The following RUSC2 variants were observed in gnomAD, a reference collection of about 807,000 sequenced individuals.
The protein encoded by RUSC2 is RUN and SH3 domain containing 2.
Under a neutral mutation model 122.2 loss-of-function variants are expected in RUSC2, and 34 were observed. The ratio of observed to expected loss-of-function variants is 0.28; its 90% confidence interval spans 0.21 to 0.37. The LOEUF is 0.37. Among genes scored for constraint, RUSC2 ranks in the 10% least tolerant of loss-of-function variants. The pLI is 1.00. For missense variants in RUSC2, 1,747 were observed against 1,952.4 expected, an observed-to-expected ratio of 0.89 and a Z score of 1.98; for synonymous variants, 784 against 790.0, an observed-to-expected ratio of 0.99 and a Z score of 0.13.
chr9:35,507,293 A>G (rs10814247), intron 1 of RUSC2, among the ~76,000 whole-genome samples: 61,947 of 152,018 alleles, frequency 0.41, 12,715 homozygotes, highest in South Asian at 0.42. Context: ...ATGTTGCCAC[A>G]TAGATTTTAT....
Position 35,546,462 on chromosome 9 carries a change from C to A in RUSC2, c.-60C>A. 8.0e-7 allele frequency: 1 copy of A among 1,243,670 alleles called. No homozygotes were observed. Among genetic ancestry groups the A allele is most frequent in the Non-Finnish European group, 1.0e-6 (1 of 957,196 alleles). 77.0% of individuals were successfully genotyped at this position (1,243,670 alleles called of 1,614,324 possible). A position where few individuals can be genotyped will look rare whatever the true frequency, so the allele number is the denominator to read the frequency against. ...GCTCTCCTGATGAAATGTGTTCTGC[C>A]CCACTGGGCTCCAGGGACAGTGTCT... On this transcript the variant is annotated 5_prime_UTR_variant, in exon 2 of 12. Coordinates refer to ENST00000361226, the MANE Select transcript of RUSC2 (RefSeq NM_014806.5). This position sits in a 1 kb window ranked among gnomAD's most constrained non-coding sequence, Gnocchi z 4.3.
At position 35,559,886 on chromosome 9, in the gene RUSC2, G is replaced by A. The variant is rs905171588; in HGVS notation, c.3389-143G>A. ...GCACTGCACAGCTGTGGGCAGCAGC[G>A]TTTATACTTAGTACATGCAAGTTGA... is the stretch of plus-strand genomic sequence containing the variant. On this transcript the variant is annotated intron_variant, in intron 9 of 11. Transcript: ENST00000361226. The A allele has an allele frequency of 6.1e-5, 43 of 704,230 alleles. No homozygotes were observed. In the East Asian group the frequency reaches 6.8e-4, roughly 11 times the overall value. The allele number at this position is 704,230 out of a possible 1,614,324, so 43.6% of individuals were successfully genotyped here.
intron 1 of RUSC2, chr9:35,507,791 T>C (rs1820943616): frequency 4.6e-6 from 1 of 216,818 alleles, no homozygotes; most frequent in Non-Finnish European, 9.8e-6. Context: ...TTGAGCTCAA[T>C]TTCAGATCTG....
chr9:35,558,918 A>G lies in RUSC2; in HGVS notation c.3342-308A>G, dbSNP rs1008293507. On this transcript the variant is annotated intron_variant, in intron 8 of 11. Transcript: ENST00000361226. This position sits in a 1 kb window ranked among gnomAD's most constrained non-coding sequence, Gnocchi z 4.3. ...ACCTTGGGACCCACATCCTAGTAAC[A>G]TGCTTTCTCAGGTATGGGCCCAGGC... Among the ~76,000 whole-genome samples the G allele has an allele frequency of 6.6e-6, 1 of 152,158 alleles. No homozygotes were observed. Among genetic ancestry groups the G allele is most frequent in the East Asian group, 1.9e-4 (1 of 5,186 alleles).
intron 1 of RUSC2, among the ~76,000 whole-genome samples, chr9:35,525,796 T>A (rs775109387): frequency 2.0e-5 from 3 of 151,990 alleles, no homozygotes; most frequent in Non-Finnish European, 2.9e-5. Flanking sequence ...TTTAAACATA[T>A]TTTTTAGGCC....
Position 35,555,724 on chromosome 9 carries a change from A to C in RUSC2, c.2656+23A>C, listed in dbSNP as rs578119304. 3 of 1,567,842 alleles carry C rather than the reference A, an allele frequency of 1.9e-6. No individual in the cohort carries two copies. The highest frequency in any genetic ancestry group is 2.6e-6 in the Non-Finnish European group (3 of 1,170,034). Reference sequence around the variant, plus strand: ...ATGGTACGAGCTCCAGCATCTCCCTACCCAACCCGCCACCTCACGCAAGCA... The same window carrying C: ...ATGGTACGAGCTCCAGCATCTCCCTCCCCAACCCGCCACCTCACGCAAGCA... On this transcript the variant is annotated intron_variant, in intron 3 of 11. Transcript: ENST00000361226. The surrounding 1 kb of genome is among the most constrained non-coding windows in gnomAD (Gnocchi z 4.6).
At chr9:35,502,694 G>A (rs1016420262) in intron 1 of RUSC2, among the ~76,000 whole-genome samples, 1 of 152,108 alleles carries the variant, frequency 6.6e-6, no homozygotes, top group African/African-American at 2.4e-5. Context: ...AGTTCTTAGA[G>A]GCCAAAATTT....
chr9:35,539,541 C>G (rs551497725), intron 1 of RUSC2, among the ~76,000 whole-genome samples: 5 of 148,002 alleles, frequency 3.4e-5, no homozygotes, highest in African/African-American at 1.2e-4. Context: ...GCTGGGAAAC[C>G]TTTCTCTCCA....
chr9:35,547,496 G>C lies in RUSC2; in HGVS notation c.975G>C (p.Gln325His). Residue 325 changes from glutamine to histidine, a missense_variant, in exon 2 of 12, where the codon CAG becomes CAC. Physicochemically the swap from Gln to His is conservative, Grantham distance 24. Coordinates refer to ENST00000361226, the MANE Select transcript of RUSC2 (RefSeq NM_014806.5). The surrounding 1 kb of genome is among the most constrained non-coding windows in gnomAD (Gnocchi z 4.6). ...CTGGCGCCTTCTATCTGGATCTGCAGCCCTCCCCATTTGAGTCTAAGATGT... is the reference window on the plus strand; with the variant it reads ...CTGGCGCCTTCTATCTGGATCTGCACCCCTCCCCATTTGAGTCTAAGATGT... Reference protein sequence around the residue: ...SDPGAFYLDLQPSPFESKMSY... With the variant: ...SDPGAFYLDLHPSPFESKMSY... 2 of 1,614,154 alleles carry C rather than the reference G, an allele frequency of 1.2e-6. No individual in the cohort carries two copies. Among genetic ancestry groups the C allele is most frequent in the Non-Finnish European group, 8.5e-7 (1 of 1,180,034 alleles).
Position 35,548,122 on chromosome 9 carries a change from C to A in RUSC2, c.1601C>A (p.Pro534His). 1.2e-6 allele frequency: 2 copies of A among 1,613,306 alleles called. No homozygotes were observed. Among genetic ancestry groups the A allele is most frequent in the Non-Finnish European group, 8.5e-7 (1 of 1,180,022 alleles). Residue 534 changes from proline (P) to histidine (H), a missense_variant, in exon 2 of 12, where the codon CCT (proline) becomes CAT (histidine). Pro to His is a moderately conservative substitution (Grantham distance 77, BLOSUM62 -2). Coordinates refer to ENST00000361226, the MANE Select transcript of RUSC2 (RefSeq NM_014806.5). The surrounding 1 kb of genome is among the most constrained non-coding windows in gnomAD (Gnocchi z 4.5). ...GAGGGCCCTGCAGCCATGGCCGGGC[C>A]TGGCTCCCCACCCAGGAGGGTCACC... ...LSEGPAAMAG[P>H]GSPPRRVTSF...
rs769223962 is a variant in RUSC2, at chr9:35,547,331, C to T, written c.810C>T (p.Ser270=). 5 of 1,614,042 alleles carry T rather than the reference C, an allele frequency of 3.1e-6. No individual in the cohort carries two copies. The highest frequency in any genetic ancestry group is 2.2e-5 in the East Asian group (1 of 44,890). Residue 270 remains serine, a synonymous_variant, in exon 2 of 12, where the codon AGC becomes AGT. Coordinates refer to ENST00000361226, the MANE Select transcript of RUSC2 (RefSeq NM_014806.5). The surrounding 1 kb of genome is among the most constrained non-coding windows in gnomAD (Gnocchi z 4.6). ...EAADQSMGYV[S]DSSCNSSDGV... is the part of the protein sequence containing the mutation. ...CTGACCAGTCCATGGGCTATGTGAG[C>T]GACTCCTCCTGCAACAGTTCAGATG... is the stretch of plus-strand genomic sequence containing the variant.
At chr9:35,513,903 C>CATATATATATATATATATATAT (rs3068511) in intron 1 of RUSC2, among the ~76,000 whole-genome samples, 31 of 104,216 alleles carry the variant, frequency 3.0e-4, no homozygotes, top group Non-Finnish European at 4.0e-4. Context: ...CTTCAACAAA[C>CATATATATATATATATATATAT]ATATATATAT....
chr9:35,498,822 C>T (rs553676005), intron 1 of RUSC2, among the ~76,000 whole-genome samples: 4 of 144,816 alleles, frequency 2.8e-5, no homozygotes, highest in Admixed American at 7.1e-5. Flanking sequence ...GATCGCCTGG[C>T]GACAGAGTGA....
chr9:35,526,932 T>C (rs1821335518), intron 1 of RUSC2, among the ~76,000 whole-genome samples: 1 of 152,228 alleles, frequency 6.6e-6, no homozygotes, highest in African/African-American at 2.4e-5. Context: ...TCTTCAAATA[T>C]TACCTCTCCT....
intron 1 of RUSC2, among the ~76,000 whole-genome samples, chr9:35,519,561 G>C (rs1176510446): frequency 6.6e-6 from 1 of 152,188 alleles, no homozygotes; most frequent in Non-Finnish European, 1.5e-5. Flanking sequence ...CCACAGACAG[G>C]ATGACTGATT....
At chr9:35,543,316 C>G (rs1473593510) in intron 1 of RUSC2, among the ~76,000 whole-genome samples, 3 of 152,066 alleles carry the variant, frequency 2.0e-5, no homozygotes, top group African/African-American at 7.2e-5. Flanking sequence ...GTCCTAGCTA[C>G]TCAGGAGGCT....
intron 1 of RUSC2, among the ~76,000 whole-genome samples, chr9:35,495,275 TTA>T (rs997299190): frequency 9.1e-6 from 1 of 109,964 alleles, no homozygotes; most frequent in African/African-American, 3.1e-5. Context: ...TTTTTATATA[TTA>T]TATATATTAT....
intron 1 of RUSC2, among the ~76,000 whole-genome samples, chr9:35,508,046 A>G (rs1390351542): frequency 6.6e-6 from 1 of 152,108 alleles, no homozygotes; most frequent in African/African-American, 2.4e-5. Flanking sequence ...TCATCCCTTC[A>G]TTACTCTCTT....
intron 1 of RUSC2, among the ~76,000 whole-genome samples, chr9:35,496,216 T>C (rs1233686935): frequency 6.6e-6 from 1 of 152,080 alleles, no homozygotes; most frequent in Non-Finnish European, 1.5e-5. Flanking sequence ...AGAGCCAAAC[T>C]TCAATCGAGC....
Sources: gnomAD v4.1 joint callset for allele counts (sites outside exome capture counted in the v4.1 genomes callset) on GRCh38, gnomAD v4.1.1 for gene constraint, Gnocchi (gnomAD v3.1) non-coding constraint, MANE v1.5 for transcripts, NCBI Gene and HGNC (gene_info 2026-07-23, HGNC 2026-07-21) for gene names.